Variants in TEX26 observed in about 807,000 individuals in gnomAD.
The protein encoded by TEX26 is testis-expressed protein 26.
Under a neutral mutation model 35.3 loss-of-function variants are expected in TEX26, and 34 were observed. That is an observed-to-expected ratio of 0.96 (90% CI 0.73 to 1.28). The LOEUF (loss-of-function observed/expected upper bound fraction) is 1.28, where lower values mean the gene tolerates loss of function less well. Among genes scored for constraint, TEX26 ranks in the 50% most tolerant of loss-of-function variants. The pLI, the probability that TEX26 is intolerant of heterozygous loss-of-function variation, is 0.00. For synonymous variants in TEX26, 136 were observed against 111.8 expected, an observed-to-expected ratio of 1.22 and a Z score of -1.36; for missense variants, 371 against 330.1, an observed-to-expected ratio of 1.12 and a Z score of -0.96.
At chr13:30,940,580 G>C (rs540892552) in intron 2 of TEX26, among the ~76,000 whole-genome samples, 1 of 151,966 alleles carries the variant, frequency 6.6e-6, no homozygotes, top group African/African-American at 2.4e-5. Flanking sequence ...TGATCCGCCC[G>C]CCTCGGCCTT....
At chr13:30,936,755 G>C (rs1227880278) in intron 1 of TEX26, 5 of 985,298 alleles carry the variant, frequency 5.1e-6, no homozygotes, top group Non-Finnish European at 6.0e-6. Context: ...CAGAAAATGA[G>C]AGAAGAAAGA....
intron 1 of TEX26, among the ~76,000 whole-genome samples, chr13:30,935,139 C>T (rs2138154698): frequency 6.6e-6 from 1 of 152,376 alleles, no homozygotes; most frequent in East Asian, 1.9e-4. Flanking sequence ...ACCCCACCCA[C>T]ATCCCTGCAG....
At chr13:30,964,772 G>A (rs1213932850) in intron 4 of TEX26, among the ~76,000 whole-genome samples, 1 of 152,112 alleles carries the variant, frequency 6.6e-6, no homozygotes, top group Non-Finnish European at 1.5e-5. Context: ...GAAAATGGAA[G>A]GACAAGAGCG....
At position 30,966,309 on chromosome 13, in the gene TEX26, A is replaced by G. The variant is rs1175764394; in HGVS notation, c.557A>G (p.Tyr186Cys). The stretch of plus-strand genomic sequence containing the variant: ...CCAGACACTGAATTCCGAAGGAATT[A>G]CCAAATTCCAGCTAAAATTCCTGAG... ...QPPDTEFRRN[Y>C]QIPAKIPELQ... is the part of the protein sequence containing the mutation. Residue 186 changes from tyrosine (Y) to cysteine (C), a missense_variant, in exon 5 of 7, where the codon TAC becomes TGC. Physicochemically the swap from Tyr to Cys is radical, Grantham distance 194 (BLOSUM62 -2). Transcript: ENST00000380473. 2 of 1,614,064 alleles carry G rather than the reference A, an allele frequency of 1.2e-6. No homozygotes were observed. The highest frequency in any genetic ancestry group is 2.2e-5 in the East Asian group (1 of 44,868).
At chr13:30,958,049 A>T (rs1954202610) in intron 4 of TEX26, among the ~76,000 whole-genome samples, 1 of 152,240 alleles carries the variant, frequency 6.6e-6, no homozygotes, top group African/African-American at 2.4e-5. Context: ...GGAAGAGCAC[A>T]TGTGTCCTGG....
At chr13:30,953,464 C>T (rs945277179) in intron 3 of TEX26, among the ~76,000 whole-genome samples, 2 of 152,200 alleles carry the variant, frequency 1.3e-5, no homozygotes, top group African/African-American at 4.8e-5. Context: ...TTCTCTTCCG[C>T]GGATAAACCA....
At chr13:30,954,286 A>T (rs1345050120) in intron 3 of TEX26, among the ~76,000 whole-genome samples, 5 of 58,090 alleles carry the variant, frequency 8.6e-5, no homozygotes, top group Non-Finnish European at 1.8e-4. Flanking sequence ...ATACACACAC[A>T]CACACACACA....
chr13:30,966,139 A>T (rs1388852802), intron 4 of TEX26, 83 bp from the exon 5 acceptor site: 3 of 1,478,636 alleles, frequency 2.0e-6, no homozygotes, highest in African/African-American at 2.8e-5. Flanking sequence ...CACATTGACC[A>T]TACCTCTAAA....
At chr13:30,951,496 C>T (rs1288026781) in intron 2 of TEX26, among the ~76,000 whole-genome samples, 1 of 152,026 alleles carries the variant, frequency 6.6e-6, no homozygotes, top group African/African-American at 2.4e-5. Flanking sequence ...CAGAGATAAT[C>T]TGAATCTATT....
intron 1 of TEX26, among the ~76,000 whole-genome samples, chr13:30,938,001 G>A (rs1953336889): frequency 6.6e-6 from 1 of 152,162 alleles, no homozygotes; most frequent in Non-Finnish European, 1.5e-5. Context: ...TTGGGAAATT[G>A]AAGAAAAATA....
At chr13:30,934,214 C>G (rs191121082) in intron 1 of TEX26, among the ~76,000 whole-genome samples, 2 of 152,344 alleles carry the variant, frequency 1.3e-5, no homozygotes, top group East Asian at 3.9e-4. Flanking sequence ...CTCCAAAGCT[C>G]TTTTTCCCCC....
At chr13:30,951,078 G>A (rs1953903184) in intron 2 of TEX26, among the ~76,000 whole-genome samples, 2 of 152,200 alleles carry the variant, frequency 1.3e-5, no homozygotes, top group Non-Finnish European at 2.9e-5. Context: ...ATCCCAGCCT[G>A]TAGCATGCGC....
At chr13:30,964,540 T>A (rs1954461048) in intron 4 of TEX26, among the ~76,000 whole-genome samples, 1 of 152,236 alleles carries the variant, frequency 6.6e-6, no homozygotes, top group African/African-American at 2.4e-5. Context: ...GAGATATAGA[T>A]AAAAGCATCA....
chr13:30,935,151 C>G (rs757344910), intron 1 of TEX26, among the ~76,000 whole-genome samples: 2 of 152,240 alleles, frequency 1.3e-5, no homozygotes, highest in Non-Finnish European at 2.9e-5. Context: ...TCCCTGCAGG[C>G]TAAAGGGTAT....
chr13:30,948,744 A>G (rs1360136634), intron 2 of TEX26, among the ~76,000 whole-genome samples: 1 of 152,098 alleles, frequency 6.6e-6, no homozygotes, highest in Non-Finnish European at 1.5e-5. Flanking sequence ...CTTTAGTTTA[A>G]TTAGATCCCA....
At chr13:30,969,185 T>G in intron 6 of TEX26, 139 bp downstream of exon 6, 1 of 750,292 alleles carries the variant, frequency 1.3e-6, no homozygotes, top group Non-Finnish European at 2.1e-6. Flanking sequence ...AAAAAACTCA[T>G]AGTGTTGTGC....
intron 2 of TEX26, among the ~76,000 whole-genome samples, chr13:30,941,060 C>T (rs997483773): frequency 2.0e-5 from 3 of 152,176 alleles, no homozygotes; most frequent in Non-Finnish European, 4.4e-5. Flanking sequence ...TGCTCTTACC[C>T]TTATTATCTC....
intron 1 of TEX26, chr13:30,933,631 T>A (rs2138145907): frequency 6.6e-6 from 1 of 152,224 alleles, no homozygotes; most frequent in Admixed American, 6.5e-5. Flanking sequence ...TCATTCCAAT[T>A]CATTCCGTTG....
chr13:30,971,791 A>G (rs370839006), intron 6 of TEX26, among the ~76,000 whole-genome samples: 17 of 152,268 alleles, frequency 1.1e-4, no homozygotes, highest in South Asian at 2.1e-4. Flanking sequence ...ACTGTTTCCT[A>G]TTGGTAAAGA....
Sources: allele counts gnomAD v4.1 joint callset (sites outside exome capture counted in the v4.1 genomes callset), GRCh38; gene constraint gnomAD v4.1.1; transcripts MANE v1.5; gene names NCBI Gene and HGNC (gene_info 2026-07-23, HGNC 2026-07-21).